The following CRACR2A variants were observed in gnomAD, a reference collection of about 807,000 sequenced individuals.
CRACR2A encodes the protein EF-hand calcium-binding domain-containing protein 4B.
A neutral mutation model predicts 90.5 loss-of-function variants in CRACR2A; 79 were observed. The ratio of observed to expected loss-of-function variants is 0.87; its 90% CI spans 0.73 to 1.05. CRACR2A has a LOEUF of 1.05. Among genes scored for constraint, CRACR2A ranks in the 50% least tolerant of loss-of-function variants. The pLI is 0.00. For synonymous variants in CRACR2A, 338 were observed against 356.7 expected (o/e 0.95, Z 0.59); for missense variants, 823 against 897.2 (o/e 0.92, Z 1.06).
At chr12:3,672,902 G>T in intron 7 of CRACR2A, 1 of 647,996 alleles carries the variant, frequency 1.5e-6, no homozygotes, top group Non-Finnish European at 1.9e-6. Context: ...CCAGGAGGAG[G>T]GACATTCAGC....
rs557648607 is a variant in CRACR2A, at chr12:3,621,648, C to CAAAA, written c.1933-2280_1933-2277dup. Reference sequence around the variant, plus strand: ...CCTCAGTGACAGAGAGAGACTCTGTCAAAAAAAAAAAAAAAAAAAAAAAAA... The same window carrying CAAAA: ...CCTCAGTGACAGAGAGAGACTCTGTCAAAAAAAAAAAAAAAAAAAAAAAAAAAAA... On this transcript the variant is annotated intron_variant, in intron 17 of 19. Transcript: ENST00000440314. Among the ~76,000 whole-genome samples the CAAAA allele has an allele frequency of 3.2e-3, 47 of 14,584 alleles. 4 individuals carry two copies. The highest frequency in any genetic ancestry group is 0.012 in the East Asian group (4 of 334). The allele number at this position is 14,584 out of a possible 152,430, so 9.6% of individuals were successfully genotyped here.
At chr12:3,661,088 C>G (rs1191983176) in intron 7 of CRACR2A, among the ~76,000 whole-genome samples, 1 of 152,218 alleles carries the variant, frequency 6.6e-6, no homozygotes, top group Non-Finnish European at 1.5e-5. Context: ...CCCATGTCCA[C>G]TTGGGCCTCC....
At chr12:3,643,450 TG>T (rs1445728783) in intron 12 of CRACR2A, among the ~76,000 whole-genome samples, 1 of 152,098 alleles carries the variant, frequency 6.6e-6, no homozygotes, top group Non-Finnish European at 1.5e-5. Flanking sequence ...GCGGAGGTCA[TG>T]GTCCAAGGCA....
chr12:3,645,307 A>G (rs1373863008), intron 11 of CRACR2A, among the ~76,000 whole-genome samples: 2 of 152,178 alleles, frequency 1.3e-5, no homozygotes, highest in Admixed American at 1.3e-4. Flanking sequence ...GGCAGAGGAG[A>G]GGCTAGGGCA....
chr12:3,641,610 G>C (rs1944572232), intron 13 of CRACR2A, 122 bp downstream of exon 13: 1 of 740,272 alleles, frequency 1.4e-6, no homozygotes, highest in Admixed American at 2.5e-5. Context: ...TGAGGGGAGT[G>C]AGTGCAGCTG....
chr12:3,686,954 G>A (rs1202671171), intron 4 of CRACR2A, among the ~76,000 whole-genome samples: 1 of 152,058 alleles, frequency 6.6e-6, no homozygotes, highest in Non-Finnish European at 1.5e-5. Flanking sequence ...GCTCATCCTG[G>A]GTTTCTCCAG....
intron 3 of CRACR2A, among the ~76,000 whole-genome samples, chr12:3,699,392 A>G (rs777379007): frequency 3.3e-5 from 5 of 152,308 alleles, no homozygotes; most frequent in Middle Eastern, 3.4e-3. Flanking sequence ...AGTGAATAGG[A>G]CATGGTCCCT....
At chr12:3,644,403 T>C (rs1385288416) in intron 12 of CRACR2A, among the ~76,000 whole-genome samples, 192 bp downstream of exon 12, 11 of 152,156 alleles carry the variant, frequency 7.2e-5, no homozygotes, top group African/African-American at 2.7e-4. Flanking sequence ...CATTACTCTG[T>C]GGAAAATTAA....
intron 14 of CRACR2A, among the ~76,000 whole-genome samples, chr12:3,634,341 C>A (rs1422560268): frequency 6.6e-6 from 1 of 152,160 alleles, no homozygotes; most frequent in African/African-American, 2.4e-5. Context: ...GAGGCACTGC[C>A]ATCTTCCTTG....
intron 1 of CRACR2A, among the ~76,000 whole-genome samples, chr12:3,745,825 T>TAAAATAAAATAAAATAAAATAAAAGAAAG (rs149739964): frequency 1.5e-4 from 15 of 100,532 alleles, no homozygotes; most frequent in Admixed American, 6.5e-4. Context: ...TAAAATAAAA[T>TAAAATAAAATAAAATAAAATAAAAGAAAG]AAAGAAAGAA....
At chr12:3,696,451 C>T (rs567188989) in intron 4 of CRACR2A, among the ~76,000 whole-genome samples, 3 of 152,240 alleles carry the variant, frequency 2.0e-5, no homozygotes, top group East Asian at 3.9e-4. Context: ...CAAGTTGATG[C>T]CTTTCTACTT....
Position 3,659,658 on chromosome 12 carries a change from C to T in CRACR2A, c.672-4G>A. ...TTCATCATAAGCAGCAATTTTCCTA[C>T]AGAGGTGGCAAAAGGAGAGTCTCAT... On this transcript the variant is annotated splice_region_variant and splice_polypyrimidine_tract_variant and intron_variant, in intron 7 of 19. Coordinates refer to ENST00000440314, the MANE Select transcript of CRACR2A (RefSeq NM_001144958.2). 3 of 1,613,818 alleles carry T rather than the reference C, an allele frequency of 1.9e-6. No individual in the cohort carries two copies. The highest frequency in any genetic ancestry group is 1.6e-4 in the Middle Eastern group (1 of 6,062).
intron 6 of CRACR2A, among the ~76,000 whole-genome samples, chr12:3,674,585 T>C (rs1945308104): frequency 6.6e-6 from 1 of 152,248 alleles, no homozygotes; most frequent in South Asian, 2.1e-4. Flanking sequence ...TGTTATAGCA[T>C]CAAGTTTGAA....
In CRACR2A at chr12:3,711,652, G is replaced by C. The variant is rs1204226950; in HGVS notation, c.-37+1585C>G. On this transcript the variant is annotated intron_variant, in intron 3 of 19. Coordinates refer to ENST00000440314, the MANE Select transcript of CRACR2A (RefSeq NM_001144958.2). This position sits in a 1 kb window ranked among gnomAD's most constrained non-coding sequence, Gnocchi z 4.3. ...CTCTACAGCTCTTCTCTTCTTCTGA[G>C]CCCTCACCAGAACCACCTTTAAAAG... Among the ~76,000 whole-genome samples, 1 of 150,388 alleles carries C rather than the reference G, an allele frequency of 6.6e-6. No homozygotes were observed. Among genetic ancestry groups the C allele is most frequent in the East Asian group, 1.9e-4 (1 of 5,142 alleles).
intron 2 of CRACR2A, among the ~76,000 whole-genome samples, chr12:3,720,375 C>T (rs939715112): frequency 6.3e-5 from 6 of 95,206 alleles, no homozygotes; most frequent in East Asian, 3.2e-4. Flanking sequence ...GAGAGAGAAA[C>T]GAAGGAAGGG....
At chr12:3,695,406 G>A (rs1042232205) in intron 4 of CRACR2A, among the ~76,000 whole-genome samples, 9 of 152,194 alleles carry the variant, frequency 5.9e-5, no homozygotes, top group East Asian at 1.9e-4. Flanking sequence ...AAGAAGGGTA[G>A]GTTGGGCTCA....
intron 4 of CRACR2A, among the ~76,000 whole-genome samples, chr12:3,694,881 A>G (rs1327911947): frequency 2.6e-5 from 4 of 152,228 alleles, no homozygotes; most frequent in Admixed American, 2.6e-4. Context: ...GTGGATGCCA[A>G]GTTATCGGCT....
intron 7 of CRACR2A, among the ~76,000 whole-genome samples, chr12:3,667,401 C>T (rs567950586): frequency 7.2e-5 from 11 of 152,252 alleles, no homozygotes; most frequent in South Asian, 2.1e-4. Flanking sequence ...GGAGTGAGCA[C>T]GAACTGGAGC....
intron 7 of CRACR2A, among the ~76,000 whole-genome samples, chr12:3,668,825 C>T (rs988722992): frequency 6.6e-6 from 1 of 152,160 alleles, no homozygotes; most frequent in African/African-American, 2.4e-5. Flanking sequence ...CTGGTAGGGG[C>T]TGCAACTTAA....
Sources: gnomAD v4.1 joint callset for allele counts (sites outside exome capture counted in the v4.1 genomes callset) on GRCh38, gnomAD v4.1.1 for gene constraint, Gnocchi (gnomAD v3.1) non-coding constraint, MANE v1.5 for transcripts, NCBI Gene and HGNC (gene_info 2026-07-23, HGNC 2026-07-21) for gene names.